Variants in IQCM observed in about 807,000 individuals in gnomAD.
IQCM encodes the protein IQ motif containing M, also known as IQ domain-containing protein M.
Under a neutral mutation model 57.6 loss-of-function variants are expected in IQCM, and 45 were observed. That is an observed-to-expected ratio of 0.78 (90% CI 0.62 to 1.00). IQCM has a LOEUF of 1.00. Ranked by LOEUF, IQCM falls within the 50% of genes least tolerant of loss-of-function variation. IQCM has a pLI of 0.00. For missense variants in IQCM, 468 were observed against 511.6 expected (o/e 0.91, Z 0.82); for synonymous variants, 148 against 158.9 (o/e 0.93, Z 0.51).
chr4:149,763,820 A>C (rs2149970064), intron 2 of IQCM, among the ~76,000 whole-genome samples: 1 of 152,114 alleles, frequency 6.6e-6, no homozygotes, highest in Non-Finnish European at 1.5e-5. Context: ...AGTCCTGCAA[A>C]AAGATGCAAT....
chr4:149,455,549 G>C (rs1288375225), intron 12 of IQCM, among the ~76,000 whole-genome samples: 1 of 152,094 alleles, frequency 6.6e-6, no homozygotes, highest in Non-Finnish European at 1.5e-5. Context: ...GTGTATAGCA[G>C]AGTGCTATTC....
chr4:149,775,948 A>G (rs923412112), intron 2 of IQCM, among the ~76,000 whole-genome samples: 23 of 152,144 alleles, frequency 1.5e-4, no homozygotes, highest in African/African-American at 4.8e-4. Flanking sequence ...TAAGAAAGAT[A>G]ATAACTGTAT....
intron 12 of IQCM, among the ~76,000 whole-genome samples, chr4:149,475,269 T>A (rs1046467541): frequency 1.3e-5 from 2 of 152,046 alleles, no homozygotes; most frequent in African/African-American, 4.8e-5. Flanking sequence ...GATGTGAGGA[T>A]GAGAGAAGGA....
chr4:149,528,786 C>A (rs1383170188), intron 12 of IQCM, among the ~76,000 whole-genome samples: 2 of 152,134 alleles, frequency 1.3e-5, no homozygotes, highest in Non-Finnish European at 2.9e-5. Context: ...TTCTGACCAT[C>A]AGTTAACTTG....
intron 7 of IQCM, 57 bp from the exon 8 acceptor site, chr4:149,621,301 G>T (rs1756312660): frequency 1.3e-6 from 1 of 741,274 alleles, no homozygotes; most frequent in Non-Finnish European, 1.9e-6. Context: ...AGTACACACT[G>T]ATTATATTGC....
At chr4:149,430,244 T>C (rs1470585684) in intron 13 of IQCM, among the ~76,000 whole-genome samples, 16 of 152,016 alleles carry the variant, frequency 1.1e-4, no homozygotes. Context: ...AGTTTTAAAA[T>C]GCAAGTTTTA....
At chr4:149,701,238 A>G (rs2149813172) in intron 5 of IQCM, among the ~76,000 whole-genome samples, 1 of 152,176 alleles carries the variant, frequency 6.6e-6, no homozygotes, top group East Asian at 1.9e-4. Context: ...ACAGACAGAA[A>G]TAAAAACCAA....
intron 12 of IQCM, among the ~76,000 whole-genome samples, chr4:149,470,930 G>T (rs1739456956): frequency 6.6e-6 from 1 of 152,246 alleles, no homozygotes; most frequent in South Asian, 2.1e-4. Context: ...TGAGAACAAA[G>T]ACACAACATA....
chr4:149,638,225 C>T (rs907824033), intron 7 of IQCM, among the ~76,000 whole-genome samples: 1 of 152,044 alleles, frequency 6.6e-6, no homozygotes, highest in South Asian at 2.1e-4. Flanking sequence ...AAATAAAACC[C>T]CAATGGGTAA....
chr4:149,492,903 G>A (rs770424750), intron 12 of IQCM, among the ~76,000 whole-genome samples: 27 of 152,114 alleles, frequency 1.8e-4, no homozygotes, highest in Non-Finnish European at 3.4e-4. Context: ...GGTCTCCAAA[G>A]GGCAGAGATC....
chr4:149,695,597 T>C (rs1235892218), intron 5 of IQCM, among the ~76,000 whole-genome samples: 1 of 152,092 alleles, frequency 6.6e-6, no homozygotes. Flanking sequence ...AAACACAAGT[T>C]TGAGAAAGTA....
At chr4:149,708,443 G>GA (rs944394189) in intron 5 of IQCM, among the ~76,000 whole-genome samples, 31 of 145,958 alleles carry the variant, frequency 2.1e-4, no homozygotes, top group African/African-American at 4.3e-4. Context: ...CAGGTGCCTA[G>GA]AAAAAAAAAA....
intron 9 of IQCM, among the ~76,000 whole-genome samples, chr4:149,582,986 T>C (rs1752347871): frequency 6.6e-6 from 1 of 151,638 alleles, no homozygotes; most frequent in Non-Finnish European, 1.5e-5. Context: ...TTCAAGAACC[T>C]ACATAAATAT....
At chr4:149,410,050 G>A (rs573851790) in intron 13 of IQCM, among the ~76,000 whole-genome samples, 9 of 152,254 alleles carry the variant, frequency 5.9e-5, no homozygotes, top group Non-Finnish European at 1.0e-4. Flanking sequence ...CAGGCATGGC[G>A]GTGGGCAACT....
intron 12 of IQCM, among the ~76,000 whole-genome samples, chr4:149,538,662 A>G (rs1022375843): frequency 6.6e-6 from 1 of 152,014 alleles, no homozygotes; most frequent in Non-Finnish European, 1.5e-5. Context: ...AATAGGCTGA[A>G]AGAAAATAAA....
intron 9 of IQCM, among the ~76,000 whole-genome samples, chr4:149,578,044 TACTACTG>T (rs1751829206): frequency 6.6e-6 from 1 of 151,786 alleles, no homozygotes; most frequent in African/African-American, 2.4e-5. Context: ...TGAATAGAAA[TACTACTG>T]ACTTTGGTTC....
At chr4:149,598,294 A>G (rs535809816) in intron 8 of IQCM, among the ~76,000 whole-genome samples, 4 of 152,318 alleles carry the variant, frequency 2.6e-5, no homozygotes, top group African/African-American at 9.6e-5. Context: ...AAAAGAAAGA[A>G]CTAAACTCTA....
Position 149,750,732 on chromosome 4 carries a change from G to C in IQCM, c.-48-7993C>G, listed in dbSNP as rs148723856. Among the ~76,000 whole-genome samples the C allele has an allele frequency of 3.7e-4, 57 of 152,278 alleles. 1 individual carries two copies. Among genetic ancestry groups the C allele is most frequent in the Non-Finnish European group, 6.8e-4 (46 of 68,024 alleles). On this transcript the variant is annotated intron_variant, in intron 2 of 13. Transcript: ENST00000636793. Reference sequence around the variant, plus strand: ...TTAACATTTTATAAATAACAATAAAGAGAGAAAATTTATAAAGCATTCCCC... The same window carrying C: ...TTAACATTTTATAAATAACAATAAACAGAGAAAATTTATAAAGCATTCCCC...
At chr4:149,634,592 T>C in intron 7 of IQCM, among the ~76,000 whole-genome samples, 1 of 152,204 alleles carries the variant, frequency 6.6e-6, no homozygotes, top group East Asian at 1.9e-4. Context: ...CTTCTTTGCC[T>C]TTAAAACTCA....
Sources: allele counts gnomAD v4.1 joint callset (sites outside exome capture counted in the v4.1 genomes callset), GRCh38; gene constraint gnomAD v4.1.1; transcripts MANE v1.5; gene names NCBI Gene and HGNC (gene_info 2026-07-23, HGNC 2026-07-21).